Variants in SHANK2 observed in about 807,000 individuals in gnomAD.
SHANK2 encodes SH3 and multiple ankyrin repeat domains protein 2.
A neutral mutation model predicts 133.7 loss-of-function variants in SHANK2; 43 were observed. The observed-to-expected ratio is 0.32, with a 90% CI of 0.25 to 0.41. SHANK2 has a LOEUF of 0.41. Among genes scored for constraint, SHANK2 ranks in the 10% least tolerant of loss-of-function variants. The pLI, the probability that SHANK2 is intolerant of heterozygous loss-of-function variation, is 1.00. For missense variants in SHANK2, 1,994 were observed against 2,235.8 expected, an observed-to-expected ratio of 0.89 and a Z score of 2.18; for synonymous variants, 1,017 against 952.8, an observed-to-expected ratio of 1.07 and a Z score of -1.24.
intron 13 of SHANK2, 82 bp downstream of exon 13, chr11:70,806,920 G>T (rs1302116108): frequency 1.5e-6 from 1 of 651,852 alleles, no homozygotes; most frequent in Non-Finnish European, 2.8e-6. Flanking sequence ...CACAGCCTTG[G>T]ACATCGTCCC....
intron 17 of SHANK2, among the ~76,000 whole-genome samples, chr11:70,585,129 A>C (rs2060232368): frequency 6.6e-6 from 1 of 152,134 alleles, no homozygotes; most frequent in Non-Finnish European, 1.5e-5. Flanking sequence ...CAGCACGCCC[A>C]CTCTGGCTCA....
chr11:70,827,876 T>C (rs999116332), intron 11 of SHANK2, among the ~76,000 whole-genome samples: 1 of 152,122 alleles, frequency 6.6e-6, no homozygotes, highest in Non-Finnish European at 1.5e-5. Context: ...CCTGAAGGCG[T>C]ACCAGGGACG....
chr11:71,086,172 TATATTA>T (rs1951408379), intron 8 of SHANK2, among the ~76,000 whole-genome samples: 1 of 11,488 alleles, frequency 8.7e-5, no homozygotes, highest in African/African-American at 1.8e-4. Context: ...AATTATATAA[TATATTA>T]TGTTATATAA....
chr11:71,137,170 G>A (rs1466905552), intron 3 of SHANK2, among the ~76,000 whole-genome samples: 3 of 151,836 alleles, frequency 2.0e-5, no homozygotes, highest in South Asian at 2.1e-4. Context: ...GCCCTGAATT[G>A]TATTCTTAAA....
At chr11:71,144,970 G>C (rs1952617261) in intron 3 of SHANK2, among the ~76,000 whole-genome samples, 1 of 152,206 alleles carries the variant, frequency 6.6e-6, no homozygotes, top group Non-Finnish European at 1.5e-5. Flanking sequence ...GCCAAGTATT[G>C]ATGTGATCAC....
chr11:70,899,644 C>T, intron 10 of SHANK2, among the ~76,000 whole-genome samples: 1 of 152,222 alleles, frequency 6.6e-6, no homozygotes, highest in East Asian at 1.9e-4. Context: ...CCACCTCCAA[C>T]TCAGCTTTGG....
intron 3 of SHANK2, among the ~76,000 whole-genome samples, chr11:71,135,863 G>C (rs1952429564): frequency 6.6e-6 from 1 of 152,134 alleles, no homozygotes. Context: ...GCCTCACCTA[G>C]AGAACTTCTG....
At chr11:71,057,316 C>G (rs1474982154) in intron 9 of SHANK2, among the ~76,000 whole-genome samples, 30 of 152,158 alleles carry the variant, frequency 2.0e-4, no homozygotes, top group African/African-American at 7.2e-4. Flanking sequence ...GCCTGGGCAA[C>G]AAGGGTAAGA....
At chr11:70,732,050 G>GGGT (rs1281153962) in intron 14 of SHANK2, among the ~76,000 whole-genome samples, 1 of 152,090 alleles carries the variant, frequency 6.6e-6, no homozygotes, top group African/African-American at 2.4e-5. Flanking sequence ...CACACCCCCA[G>GGGT]GGTGACCTGC....
At chr11:70,904,640 T>C in intron 10 of SHANK2, among the ~76,000 whole-genome samples, 1 of 151,990 alleles carries the variant, frequency 6.6e-6, no homozygotes, top group South Asian at 2.1e-4. Flanking sequence ...CCTGAGTAGC[T>C]GGGATTACAG....
chr11:71,116,991 C>A (rs371824395), intron 4 of SHANK2, among the ~76,000 whole-genome samples: 2 of 152,124 alleles, frequency 1.3e-5, no homozygotes, highest in African/African-American at 4.8e-5. Context: ...GCCAATTAAA[C>A]CTCCTTTCTC....
intron 15 of SHANK2, among the ~76,000 whole-genome samples, chr11:70,685,001 A>G (rs1276471558): frequency 1.3e-5 from 2 of 151,986 alleles, no homozygotes; most frequent in Non-Finnish European, 2.9e-5. Flanking sequence ...AGGTGAGGCA[A>G]AGGACCCTGG....
intron 15 of SHANK2, among the ~76,000 whole-genome samples, chr11:70,679,361 C>G (rs1591740916): frequency 2.0e-5 from 3 of 152,244 alleles, no homozygotes; most frequent in African/African-American, 4.8e-5. Context: ...GAGCCTGTTC[C>G]CACCACCAGC....
intron 15 of SHANK2, among the ~76,000 whole-genome samples, chr11:70,682,746 G>A (rs1387083998): frequency 2.6e-5 from 4 of 152,158 alleles, no homozygotes; most frequent in African/African-American, 4.8e-5. Flanking sequence ...CTCCCAGGTC[G>A]GGGAGCATCC....
chr11:70,597,928 C>T (rs965068977), intron 17 of SHANK2, among the ~76,000 whole-genome samples: 27 of 152,218 alleles, frequency 1.8e-4, no homozygotes, highest in South Asian at 2.1e-4. Flanking sequence ...CCCCTTCAGA[C>T]CCCACCTGAG....
At chr11:70,778,608 C>A (rs536982904) in intron 14 of SHANK2, among the ~76,000 whole-genome samples, 86 of 152,298 alleles carry the variant, frequency 5.6e-4, no homozygotes, top group African/African-American at 2.0e-3. Context: ...AGGAAAGGCC[C>A]TGTGAGGACA....
chr11:71,114,203 C>T (rs1196845273), intron 4 of SHANK2, among the ~76,000 whole-genome samples: 1 of 152,152 alleles, frequency 6.6e-6, no homozygotes, highest in African/African-American at 2.4e-5. Flanking sequence ...ATAATAGCAC[C>T]CACCTCCCAG....
At chr11:70,764,429 A>G (rs1947072613) in intron 14 of SHANK2, among the ~76,000 whole-genome samples, 1 of 148,806 alleles carries the variant, frequency 6.7e-6, no homozygotes, top group South Asian at 2.2e-4. Flanking sequence ...CCACCCACCC[A>G]TACATCCACA....
chr11:71,099,454 A>T (rs1271039722), intron 6 of SHANK2, among the ~76,000 whole-genome samples: 1 of 152,214 alleles, frequency 6.6e-6, no homozygotes, highest in Non-Finnish European at 1.5e-5. Flanking sequence ...CTTATTCTGC[A>T]AATCTAGAAC....
Sources: gnomAD v4.1 joint callset for allele counts (sites outside exome capture counted in the v4.1 genomes callset) on GRCh38, gnomAD v4.1.1 for gene constraint, MANE v1.5 for transcripts, NCBI Gene and HGNC (gene_info 2026-07-23, HGNC 2026-07-21) for gene names.